Variants in DNAH9 observed in about 807,000 individuals in gnomAD.
The protein encoded by DNAH9 is DNAH9 variant protein.
In DNAH9, 345 loss-of-function variants were observed where a neutral mutation model predicts 471.6. The ratio of observed to expected loss-of-function variants is 0.73; its 90% CI spans 0.67 to 0.80. The LOEUF (loss-of-function observed/expected upper bound fraction) is 0.80. Ranked by LOEUF, DNAH9 falls within the 30% of genes least tolerant of loss-of-function variation. The pLI, the probability that DNAH9 is intolerant of heterozygous loss-of-function variation, is 0.00. For missense variants in DNAH9, 5,407 were observed against 5,609.2 expected (o/e 0.96, Z 1.15); for synonymous variants, 2,093 against 2,123.6 (o/e 0.99, Z 0.40).
At position 11,869,215 on chromosome 17, in the gene DNAH9, G is replaced by A. The variant is rs369987217; in HGVS notation, c.10015G>A (p.Glu3339Lys). The A allele has an allele frequency of 6.1e-5, 98 of 1,613,752 alleles. No homozygotes were observed. Among genetic ancestry groups the A allele is most frequent in the Non-Finnish European group, 7.2e-5 (85 of 1,179,834 alleles). ...CAAACTCAAATGTCAGCAAGAAGCC[G>A]AAGTGACCGCAGTCACCATCTCCCT... ...ADKLKCQQEAEVTAVTISLAN... is the reference protein window; with the variant it reads ...ADKLKCQQEAKVTAVTISLAN... The change falls in exon 51 of 69, where the codon GAA becomes AAA. Residue 3339 changes from glutamate to lysine, a missense_variant. Glu to Lys is a moderately conservative substitution (Grantham distance 56). Around this residue, in one of 3 missense-constraint regions of DNAH9, gnomAD observed 4,636 missense variants for 4,900.3 expected, o/e 0.95. Coordinates refer to ENST00000262442, the MANE Select transcript of DNAH9 (RefSeq NM_001372.4).
chr17:11,659,466 G>A (rs2073714922), intron 14 of DNAH9, among the ~76,000 whole-genome samples: 2 of 152,128 alleles, frequency 1.3e-5, no homozygotes, highest in South Asian at 4.1e-4. Flanking sequence ...TCTAAGCCCA[G>A]GGCATAAAAC....
intron 48 of DNAH9, among the ~76,000 whole-genome samples, chr17:11,828,574 T>C (rs545034669): frequency 3.8e-4 from 58 of 152,254 alleles, no homozygotes; most frequent in African/African-American, 1.3e-3. Flanking sequence ...CCAGACTGTA[T>C]GCTGGTAGCA....
chr17:11,938,502 C>T (rs1974789265), intron 66 of DNAH9, among the ~76,000 whole-genome samples: 1 of 150,298 alleles, frequency 6.7e-6, no homozygotes, highest in African/African-American at 2.4e-5. Context: ...AGGGAAATTT[C>T]TCCATGAATT....
At chr17:11,605,245 T>G (rs536424136) in intron 1 of DNAH9, among the ~76,000 whole-genome samples, 3 of 152,298 alleles carry the variant, frequency 2.0e-5, no homozygotes, top group Admixed American at 6.5e-5. Context: ...CCTCAACATT[T>G]ACAATTGCAG....
chr17:11,943,055 C>CT (rs1440380122), intron 67 of DNAH9, among the ~76,000 whole-genome samples: 1 of 151,768 alleles, frequency 6.6e-6, no homozygotes, highest in East Asian at 2.0e-4. Context: ...GCCACCACGC[C>CT]GGCTAATTTT....
intron 67 of DNAH9, among the ~76,000 whole-genome samples, chr17:11,947,855 C>T (rs897732193): frequency 1.4e-5 from 2 of 143,880 alleles, no homozygotes; most frequent in African/African-American, 5.2e-5. Context: ...GATCTCAGCT[C>T]ACTGCAACCT....
intron 43 of DNAH9, among the ~76,000 whole-genome samples, chr17:11,806,641 T>G (rs1193519830): frequency 6.8e-6 from 1 of 146,010 alleles, no homozygotes; most frequent in East Asian, 2.0e-4. Flanking sequence ...CAGAAATATA[T>G]TGACTTTTCA....
At chr17:11,705,235 C>T in intron 26 of DNAH9, 50 bp downstream of exon 26, 2 of 1,550,046 alleles carry the variant, frequency 1.3e-6, no homozygotes, top group Non-Finnish European at 1.8e-6. Context: ...CTGGTTCAGG[C>T]CAGCTAGTGG....
At chr17:11,715,619 G>A (rs1181145883) in intron 26 of DNAH9, among the ~76,000 whole-genome samples, 1 of 152,154 alleles carries the variant, frequency 6.6e-6, no homozygotes, top group Non-Finnish European at 1.5e-5. Flanking sequence ...CCATATCCAT[G>A]TTGGGACTCA....
At chr17:11,622,205 G>A (rs1270914485) in intron 6 of DNAH9, among the ~76,000 whole-genome samples, 2 of 152,166 alleles carry the variant, frequency 1.3e-5, no homozygotes, top group Non-Finnish European at 2.9e-5. Flanking sequence ...AAACTGGAGT[G>A]GGAATTTGCC....
intron 36 of DNAH9, among the ~76,000 whole-genome samples, chr17:11,764,887 T>G (rs1206938125): frequency 2.0e-5 from 3 of 152,142 alleles, no homozygotes; most frequent in Non-Finnish European, 4.4e-5. Context: ...TCCAAACTCA[T>G]CACATCATAT....
rs1973508037 is a variant in DNAH9, at chr17:11,904,145, G to GGAA, written c.11600+1233_11600+1234insGAA. 5.3e-5 allele frequency among the ~76,000 whole-genome samples: 8 copies of GGAA among 152,168 alleles called. No individual in the cohort carries two copies. In the South Asian group the frequency reaches 1.7e-3, roughly 32 times the overall value. ...CTATAGAATTAGGTTGCTAAAGGGG[G>GGAA]AGAAAAACAGAGATCTCTTGAGCTG... On this transcript the variant is annotated intron_variant, in intron 60 of 68. Transcript: ENST00000262442.
Position 11,610,453 on chromosome 17 carries a change from G to A in DNAH9, c.672G>A (p.Trp224Ter), listed in dbSNP as rs1012804738. The A allele has an allele frequency of 1.2e-6, 2 of 1,613,666 alleles. No individual in the cohort carries two copies. The highest frequency in any genetic ancestry group is 2.2e-5 in the South Asian group (2 of 91,066). ...CCATTGAGTCTGCAGTGATCAAATGGAGCTACCAAGTCCAGGTGGTACTCA... is the reference window on the plus strand; with the variant it reads ...CCATTGAGTCTGCAGTGATCAAATGAAGCTACCAAGTCCAGGTGGTACTCA... Reference protein sequence around the residue: ...IYAIESAVIKWSYQVQVVLKR... With the variant: ...IYAIESAVIK Residue 224 changes from tryptophan to a stop codon, truncating the protein, a stop_gained, in exon 3 of 69, where the codon TGG becomes TGA. Coordinates refer to ENST00000262442, the MANE Select transcript of DNAH9 (RefSeq NM_001372.4). LOFTEE classifies it high-confidence loss of function.
At position 11,892,805 on chromosome 17, in the gene DNAH9, C is replaced by T. The variant is rs1048919150; in HGVS notation, c.11283+858C>T. 1.3e-5 allele frequency among the ~76,000 whole-genome samples: 2 copies of T among 152,094 alleles called. No homozygotes were observed. The highest frequency in any genetic ancestry group is 2.4e-5 in the African/African-American group (1 of 41,402). Reference sequence around the variant, plus strand: ...CTGACCTCAGGTGATCCACCCGCCTCGGCCTACCAAAGTGCTGGGATTACA... The same window carrying T: ...CTGACCTCAGGTGATCCACCCGCCTTGGCCTACCAAAGTGCTGGGATTACA... On this transcript the variant is annotated intron_variant, in intron 58 of 68. Transcript: ENST00000262442. This position sits in a 1 kb window ranked among gnomAD's most constrained non-coding sequence, Gnocchi z 4.3.
intron 20 of DNAH9, 84 bp downstream of exon 20, chr17:11,690,520 T>TAA: frequency 7.9e-7 from 1 of 1,262,698 alleles, no homozygotes; most frequent in African/African-American, 1.5e-5. Flanking sequence ...TTGTCTAGGC[T>TAA]CTTTCCTTTT....
At chr17:11,748,632 T>C (rs17603240) in intron 32 of DNAH9, among the ~76,000 whole-genome samples, 8,063 of 152,198 alleles carry the variant, frequency 0.053, 353 homozygotes, top group Non-Finnish European at 0.074. Flanking sequence ...CCATATTCCT[T>C]TCTACAGTGA....
chr17:11,963,099 G>A (rs1030924654), intron 68 of DNAH9, among the ~76,000 whole-genome samples: 11 of 151,688 alleles, frequency 7.3e-5, no homozygotes, highest in African/African-American at 2.7e-4. Flanking sequence ...AGGTCATACT[G>A]GATTATCATG....
chr17:11,872,877 A>AC (rs1273173992), intron 52 of DNAH9, among the ~76,000 whole-genome samples: 1 of 152,218 alleles, frequency 6.6e-6, no homozygotes, highest in African/African-American at 2.4e-5. Flanking sequence ...CCAAGATAGC[A>AC]CCACTGCACT....
At chr17:11,721,620 GGAGAGA>G (rs146026495) in intron 27 of DNAH9, among the ~76,000 whole-genome samples, 56 of 150,726 alleles carry the variant, frequency 3.7e-4, no homozygotes, top group African/African-American at 1.3e-3. Context: ...GGAGAGAGAG[GGAGAGA>G]GAGAGAGAGA....
Sources: gnomAD v4.1 joint callset for allele counts (sites outside exome capture counted in the v4.1 genomes callset) on GRCh38, gnomAD v4.1.1 for gene constraint, gnomAD v4.1.1 regional missense constraint, Gnocchi (gnomAD v3.1) non-coding constraint, MANE v1.5 for transcripts, NCBI Gene and HGNC (gene_info 2026-07-23, HGNC 2026-07-21) for gene names.